Variants in ACSM1 observed in about 807,000 individuals in gnomAD.
The protein encoded by ACSM1 is acyl-CoA synthetase medium chain family member 1, also known as acyl-coenzyme A synthetase ACSM1, mitochondrial.
Under a neutral mutation model 75.8 loss-of-function variants are expected in ACSM1, and 79 were observed. The ratio of observed to expected loss-of-function variants is 1.04; its 90% CI spans 0.87 to 1.26. ACSM1 has a LOEUF of 1.26. Ranked by LOEUF, ACSM1 falls within the 50% of genes most tolerant of loss-of-function variation. The pLI is 0.00. For synonymous variants in ACSM1, 279 were observed against 265.8 expected, an observed-to-expected ratio of 1.05 and a Z score of -0.48; for missense variants, 676 against 720.1, an observed-to-expected ratio of 0.94 and a Z score of 0.70.
chr16:20,691,576 T>C (rs1428405181), intron 1 of ACSM1, among the ~76,000 whole-genome samples: 5 of 152,166 alleles, frequency 3.3e-5, no homozygotes, highest in Non-Finnish European at 7.4e-5. Context: ...CTGTACCTTA[T>C]AGTGTCTTTA....
rs189590435 is a variant in ACSM1, at chr16:20,696,047, C to T, written c.-52+1589G>A. The stretch of plus-strand genomic sequence containing the variant: ...GTTTCAATACACAAGTACTTACCAT[C>T]GTGTCATGACTGCCTACAGTATTTA... On this transcript the variant is annotated intron_variant, in intron 1 of 13. Coordinates refer to ENST00000520010, the MANE Select transcript of ACSM1 (RefSeq NM_001318890.3). Among the ~76,000 whole-genome samples the T allele has an allele frequency of 2.0e-5, 3 of 152,290 alleles. 1 individual carries two copies. The highest frequency in any genetic ancestry group is 1.9e-4 in the East Asian group (1 of 5,184).
At chr16:20,662,509 C>T (rs2019350524) in intron 6 of ACSM1, among the ~76,000 whole-genome samples, 1 of 152,038 alleles carries the variant, frequency 6.6e-6, no homozygotes, top group African/African-American at 2.4e-5. Context: ...TGTTTTCTTT[C>T]CGAGTTTCAG....
intron 7 of ACSM1, among the ~76,000 whole-genome samples, chr16:20,652,532 A>C (rs539894563): frequency 6.6e-6 from 1 of 152,124 alleles, no homozygotes. Context: ...ATGGGATTAC[A>C]CAAGAAAGAG....
intron 11 of ACSM1, among the ~76,000 whole-genome samples, chr16:20,626,943 G>A (rs2016959922): frequency 6.6e-6 from 1 of 151,918 alleles, no homozygotes; most frequent in Non-Finnish European, 1.5e-5. Context: ...CCACCCCACT[G>A]TAAATTGCAC....
chr16:20,626,277 GCAGTGAACCAAGATCAGGC>G, intron 11 of ACSM1, among the ~76,000 whole-genome samples: 1 of 151,926 alleles, frequency 6.6e-6, no homozygotes, highest in Non-Finnish European at 1.5e-5. Flanking sequence ...AGCAGAGCTT[GCAGTGAACCAAGATCAGGC>G]CACTGCACTC....
chr16:20,671,754 A>G, intron 4 of ACSM1, 83 bp from the exon 5 acceptor site: 1 of 1,403,444 alleles, frequency 7.1e-7, no homozygotes, highest in Non-Finnish European at 9.3e-7. Context: ...AACATAAGGC[A>G]CGGACAGGAA....
intron 4 of ACSM1, among the ~76,000 whole-genome samples, chr16:20,673,034 C>T: frequency 7.0e-6 from 1 of 142,532 alleles, no homozygotes; most frequent in East Asian, 2.0e-4. Flanking sequence ...ATTATATACA[C>T]TTACATGTCA....
In ACSM1 at chr16:20,640,501, G is replaced by A. The variant is rs369221835; in HGVS notation, c.1076C>T (p.Thr359Met). The A allele has an allele frequency of 3.4e-5, 55 of 1,613,994 alleles. No individual in the cohort carries two copies. Among genetic ancestry groups the A allele is most frequent in the African/African-American group, 1.2e-4 (9 of 74,906 alleles). The stretch of plus-strand genomic sequence containing the variant: ...ATAGTTCTCGTAGAGCAGAAGGCCC[G>A]TCCGTCTTTTCCACTCCTCCTGATC... The part of the protein sequence containing the change: ...PKDQEEWKRR[T>M]GLLLYENYGQ... Residue 359 changes from threonine (T) to methionine (M), a missense_variant, in exon 8 of 14, where the codon ACG (threonine) becomes ATG (methionine). Physicochemically the swap from Thr to Met is moderately conservative, Grantham distance 81. Coordinates refer to ENST00000520010, the MANE Select transcript of ACSM1 (RefSeq NM_001318890.3).
chr16:20,654,591 G>C (rs540876128), intron 7 of ACSM1, among the ~76,000 whole-genome samples: 1 of 152,228 alleles, frequency 6.6e-6, no homozygotes, highest in South Asian at 2.1e-4. Context: ...GTGGGCGAAG[G>C]ATATGAACAG....
At chr16:20,667,452 A>G (rs1485548264) in intron 6 of ACSM1, among the ~76,000 whole-genome samples, 1 of 152,200 alleles carries the variant, frequency 6.6e-6, no homozygotes, top group African/African-American at 2.4e-5. Context: ...TTAAAACCAC[A>G]GTGAGATACC....
chr16:20,654,185 G>T (rs1472557201), intron 7 of ACSM1, among the ~76,000 whole-genome samples: 1 of 152,140 alleles, frequency 6.6e-6, no homozygotes, highest in Non-Finnish European at 1.5e-5. Context: ...ATGGCTCTGG[G>T]ATAACTGGCT....
At chr16:20,663,810 GT>G (rs2019419664) in intron 6 of ACSM1, among the ~76,000 whole-genome samples, 1 of 152,136 alleles carries the variant, frequency 6.6e-6, no homozygotes, top group Non-Finnish European at 1.5e-5. Flanking sequence ...AGCTATTCTA[GT>G]TCCCCCTTCC....
At chr16:20,672,819 TTATATAATATATAAAAATATAAA>T (rs2020032333) in intron 4 of ACSM1, among the ~76,000 whole-genome samples, 1 of 126,328 alleles carries the variant, frequency 7.9e-6, no homozygotes, top group South Asian at 2.2e-4. Flanking sequence ...ATAATATATA[TTATATAATATATAAAAATATAAA>T]TATATAATAT....
At chr16:20,672,977 T>C (rs953977905) in intron 4 of ACSM1, among the ~76,000 whole-genome samples, 11 of 142,052 alleles carry the variant, frequency 7.7e-5, no homozygotes, top group African/African-American at 2.8e-4. Context: ...AAAATTTATA[T>C]ATAAAATTAT....
At chr16:20,687,034 G>C (rs1486840100) in intron 2 of ACSM1, among the ~76,000 whole-genome samples, 1 of 150,400 alleles carries the variant, frequency 6.6e-6, no homozygotes, top group African/African-American at 2.5e-5. Flanking sequence ...GTGTGGTGCG[G>C]TGCAGTCAAG....
chr16:20,652,233 CTT>C (rs1389637777), intron 7 of ACSM1, among the ~76,000 whole-genome samples: 1 of 152,040 alleles, frequency 6.6e-6, no homozygotes, highest in Non-Finnish European at 1.5e-5. Context: ...TGTAAACACA[CTT>C]GTCATAATTT....
chr16:20,634,788 T>C (rs2017560890), intron 10 of ACSM1, among the ~76,000 whole-genome samples: 1 of 152,218 alleles, frequency 6.6e-6, no homozygotes, highest in Non-Finnish European at 1.5e-5. Flanking sequence ...TACAACATTG[T>C]TACTTTATTT....
At chr16:20,685,690 C>T (rs1486596096) in intron 2 of ACSM1, among the ~76,000 whole-genome samples, 1 of 151,800 alleles carries the variant, frequency 6.6e-6, no homozygotes, top group Non-Finnish European at 1.5e-5. Context: ...CATGGTGGTG[C>T]ATGCCTGTAA....
At chr16:20,626,877 G>C (rs1296455066) in intron 11 of ACSM1, among the ~76,000 whole-genome samples, 1 of 151,998 alleles carries the variant, frequency 6.6e-6, no homozygotes, top group East Asian at 1.9e-4. Flanking sequence ...ACATGAAATA[G>C]GCTCCCTGAA....
Sources: allele counts gnomAD v4.1 joint callset (sites outside exome capture counted in the v4.1 genomes callset), GRCh38; gene constraint gnomAD v4.1.1; transcripts MANE v1.5; gene names NCBI Gene and HGNC (gene_info 2026-07-23, HGNC 2026-07-21).